Variants in SLC8A2 observed in about 807,000 individuals in gnomAD.
SLC8A2 encodes sodium/calcium exchanger 2.
SLC8A2 carries 14 observed loss-of-function variants against 70.2 expected under a neutral mutation model. The ratio of observed to expected loss-of-function variants is 0.20; its 90% CI spans 0.13 to 0.31. The LOEUF (loss-of-function observed/expected upper bound fraction) is 0.31, where lower values mean the gene tolerates loss of function less well. SLC8A2 is among the 10% of genes least tolerant of loss of function. The pLI, the probability that SLC8A2 is intolerant of heterozygous loss-of-function variation, is 1.00. For synonymous variants in SLC8A2, 575 were observed against 594.3 expected (o/e 0.97, Z 0.47); for missense variants, 779 against 1,320.1 (o/e 0.59, Z 6.35).
At chr19:47,459,561 T>C (rs1967363689) in intron 2 of SLC8A2, among the ~76,000 whole-genome samples, 1 of 151,788 alleles carries the variant, frequency 6.6e-6, no homozygotes, top group Non-Finnish European at 1.5e-5. Context: ...CGTATGTGCA[T>C]GTGTATATGT....
At position 47,437,450 on chromosome 19, in the gene SLC8A2, C is replaced by T. The variant is rs181565918; in HGVS notation, c.2110+12G>A. 3,920 of 1,542,232 alleles carry T rather than the reference C, an allele frequency of 2.5e-3. 10 individuals carry two copies. Among genetic ancestry groups the T allele is most frequent in the Non-Finnish European group, 2.9e-3 (3,247 of 1,114,688 alleles). On this transcript the variant is annotated intron_variant, in intron 8 of 9. Coordinates refer to ENST00000236877, the MANE Select transcript of SLC8A2 (RefSeq NM_015063.3). ...CATCTTTCTCTCTTCTCTCTCCTCC[C>T]TCCCCACTTACCTGCGCTCACCGTA...
chr19:47,471,134 GGAGA>G lies in SLC8A2; in HGVS notation c.-17+651_-17+654del, dbSNP rs146864248. ...AGACGAGGGGGAGATGGGGAGGGAG[GGAGA>G]GAGAGAGAGAGAGAGAGAGACATGC... On this transcript the variant is annotated intron_variant, in intron 1 of 9. Coordinates refer to ENST00000236877, the MANE Select transcript of SLC8A2 (RefSeq NM_015063.3). Among the ~76,000 whole-genome samples, 829 of 146,326 alleles carry G rather than the reference GGAGA, an allele frequency of 5.7e-3. 5 individuals carry two copies. The highest frequency in any genetic ancestry group is 9.7e-3 in the Non-Finnish European group (641 of 66,030).
In SLC8A2 at chr19:47,447,858, G is replaced by A; in HGVS notation, c.1714C>T (p.His572Tyr). 1 of 1,594,742 alleles carries A rather than the reference G, an allele frequency of 6.3e-7. No homozygotes were observed. Among genetic ancestry groups the A allele is most frequent in the Non-Finnish European group, 8.5e-7 (1 of 1,175,350 alleles). ...VDGTARGGGVHYEDACGELEF... is the reference protein window; with the variant it reads ...VDGTARGGGVYYEDACGELEF... The stretch of plus-strand genomic sequence containing the variant: ...AGCTCTCCGCACGCGTCCTCGTAGT[G>A]CACGCCGCCGCCGCGCGCCGTGCCG... The change falls in exon 4 of 10, where the codon CAC becomes TAC. Residue 572 changes from histidine to tyrosine, a missense_variant. Physicochemically the swap from His to Tyr is moderately conservative, Grantham distance 83. Around this residue, in one of 6 missense-constraint regions of SLC8A2, gnomAD observed 247 missense variants for 362.8 expected, o/e 0.68. Transcript: ENST00000236877. The surrounding 1 kb of genome is among the most constrained non-coding windows in gnomAD (Gnocchi z 5.1).
intron 8 of SLC8A2, among the ~76,000 whole-genome samples, chr19:47,434,116 G>A (rs1479823014): frequency 2.0e-5 from 3 of 152,262 alleles, no homozygotes; most frequent in Admixed American, 1.3e-4. Flanking sequence ...ACCAGTCACT[G>A]CTGAACGCAT....
rs1568445920 is a variant in SLC8A2, at chr19:47,457,434, C to T, written c.836G>A (p.Ser279Asn). ...IIGAEGDPPKSIELDGTFVGA... is the reference protein window; with the variant it reads ...IIGAEGDPPKNIELDGTFVGA... ...CACGAACGTGCCGTCCAGCTCGATG[C>T]TCTTCGGGGGGTCGCCCTCGGCGCC... The change falls in exon 3 of 10, where the codon AGC becomes AAC. Residue 279 changes from serine to asparagine, a missense_variant. Physicochemically the swap from Ser to Asn is conservative, Grantham distance 46 (BLOSUM62 1). Around this residue, in one of 6 missense-constraint regions of SLC8A2, gnomAD observed 186 missense variants for 246.6 expected, o/e 0.75. Coordinates refer to ENST00000236877, the MANE Select transcript of SLC8A2 (RefSeq NM_015063.3). 1 of 1,602,688 alleles carries T rather than the reference C, an allele frequency of 6.2e-7. No individual in the cohort carries two copies. Among genetic ancestry groups the T allele is most frequent in the Non-Finnish European group, 8.5e-7 (1 of 1,175,974 alleles).
chr19:47,464,965 G>T (rs1434596935), intron 2 of SLC8A2, among the ~76,000 whole-genome samples: 1 of 152,178 alleles, frequency 6.6e-6, no homozygotes, highest in Non-Finnish European at 1.5e-5. Context: ...TCTAAATTTT[G>T]TCTCACTATT....
At chr19:47,444,026 G>C (rs536210842) in intron 4 of SLC8A2, among the ~76,000 whole-genome samples, 2 of 152,054 alleles carry the variant, frequency 1.3e-5, no homozygotes, top group South Asian at 4.2e-4. Flanking sequence ...CTCCTAAGTA[G>C]CTGGAAATAT....
chr19:47,438,895 G>C (rs1264769840), intron 6 of SLC8A2, among the ~76,000 whole-genome samples: 4 of 152,168 alleles, frequency 2.6e-5, no homozygotes. Flanking sequence ...CATCACTCAT[G>C]AGGAGCTTGA....
chr19:47,442,313 G>A (rs963556627), intron 4 of SLC8A2, among the ~76,000 whole-genome samples: 5 of 152,122 alleles, frequency 3.3e-5, no homozygotes, highest in African/African-American at 1.2e-4. Flanking sequence ...CAGCCAGAGT[G>A]ATCCTGATAG....
At position 47,447,851 on chromosome 19, in the gene SLC8A2, T is replaced by C; in HGVS notation, c.1721A>G (p.Glu574Gly). 2 of 1,595,888 alleles carry C rather than the reference T, an allele frequency of 1.3e-6. No homozygotes were observed. Among genetic ancestry groups the C allele is most frequent in the Non-Finnish European group, 8.5e-7 (1 of 1,176,102 alleles). ...AAACTCCAGCTCTCCGCACGCGTCCTCGTAGTGCACGCCGCCGCCGCGCGC... is the reference window on the plus strand; with the variant it reads ...AAACTCCAGCTCTCCGCACGCGTCCCCGTAGTGCACGCCGCCGCCGCGCGC... Reference protein sequence around the residue: ...GTARGGGVHYEDACGELEFGD... With the variant: ...GTARGGGVHYGDACGELEFGD... The change falls in exon 4 of 10, where the codon GAG (glutamate) becomes GGG (glycine). Residue 574 changes from glutamate (E) to glycine (G), a missense_variant. Coordinates refer to ENST00000236877, the MANE Select transcript of SLC8A2 (RefSeq NM_015063.3). This position sits in a 1 kb window ranked among gnomAD's most constrained non-coding sequence, Gnocchi z 5.1.
chr19:47,466,220 C>G lies in SLC8A2; in HGVS notation c.184G>C (p.Asp62His). Residue 62 changes from aspartate (D) to histidine (H), a missense_variant, in exon 2 of 10, where the codon GAC (aspartate) becomes CAC (histidine). Physicochemically the swap from Asp to His is moderately conservative, Grantham distance 81. This residue lies in a region of SLC8A2 where 155 missense variants were observed against 318.6 expected (regional missense o/e 0.49). Transcript: ENST00000236877. This position sits in a 1 kb window ranked among gnomAD's most constrained non-coding sequence, Gnocchi z 6.9. The stretch of plus-strand genomic sequence containing the variant: ...GCCGCCTTGTCACCCAGCGACGGGT[C>G]GTCGGGCTCCCACACGGGCAGCAGC... Reference protein sequence around the residue: ...GVLLPVWEPDDPSLGDKAARA... With the variant: ...GVLLPVWEPDHPSLGDKAARA... 6.2e-7 allele frequency: 1 copy of G among 1,609,474 alleles called. No homozygotes were observed. Among genetic ancestry groups the G allele is most frequent in the Non-Finnish European group, 8.5e-7 (1 of 1,176,618 alleles).
rs776796326 is a variant in SLC8A2, at chr19:47,430,266, G to C, written c.2589C>G (p.Thr863=). 3.1e-6 allele frequency: 5 copies of C among 1,612,506 alleles called. No individual in the cohort carries two copies. The highest frequency in any genetic ancestry group is 4.2e-6 in the Non-Finnish European group (5 of 1,179,286). ...CGGCAATGCCCACGAAGGCGAAGAC[G>C]GTGAAGAGCGTGACGGAGAAGGCCA... ...GTLAFSVTLF[T]VFAFVGIAVL... is the part of the protein sequence containing the mutation. Residue 863 remains threonine, a synonymous_variant, in exon 10 of 10, where the codon ACC becomes ACG. Coordinates refer to ENST00000236877, the MANE Select transcript of SLC8A2 (RefSeq NM_015063.3). The surrounding 1 kb of genome is among the most constrained non-coding windows in gnomAD (Gnocchi z 5.9).
intron 1 of SLC8A2, among the ~76,000 whole-genome samples, chr19:47,470,649 G>A (rs1967523578): frequency 6.6e-6 from 1 of 152,178 alleles, no homozygotes; most frequent in South Asian, 2.1e-4. Flanking sequence ...AAGAATGAAT[G>A]AATCAAGAGC....
At chr19:47,456,113 A>G (rs145590055) in intron 3 of SLC8A2, among the ~76,000 whole-genome samples, 463 of 152,304 alleles carry the variant, frequency 3.0e-3, no homozygotes, top group Non-Finnish European at 4.2e-3. Flanking sequence ...AAGCATTTTT[A>G]CTTTAGTAAT....
chr19:47,446,536 T>A (rs948216350), intron 4 of SLC8A2, among the ~76,000 whole-genome samples: 20 of 152,170 alleles, frequency 1.3e-4, no homozygotes, highest in African/African-American at 4.8e-4. Context: ...CAAGCCATCT[T>A]CCTGCTTTGG....
chr19:47,432,291 G>A lies in SLC8A2; in HGVS notation c.2265C>T (p.Ser755=), dbSNP rs762878199. Residue 755 remains serine (S), a synonymous_variant, in exon 9 of 10, where the codon TCC becomes TCT. Transcript: ENST00000236877. The surrounding 1 kb of genome is among the most constrained non-coding windows in gnomAD (Gnocchi z 6.2). ...YCHGWACFGV[S]ILVIGLLTAL... Reference sequence around the variant, plus strand: ...CGGTGAGCAGGCCGATGACCAGGATGGAGACACCAAAGCAGGCCCAGCCGT... The same window carrying A: ...CGGTGAGCAGGCCGATGACCAGGATAGAGACACCAAAGCAGGCCCAGCCGT... The A allele has an allele frequency of 6.2e-7, 1 of 1,614,178 alleles. No homozygotes were observed. Among genetic ancestry groups the A allele is most frequent in the Non-Finnish European group, 8.5e-7 (1 of 1,180,020 alleles).
At chr19:47,456,848 G>C (rs1426554904) in intron 3 of SLC8A2, 82 bp downstream of exon 3, 5 of 1,346,588 alleles carry the variant, frequency 3.7e-6, no homozygotes, top group African/African-American at 3.0e-5. Flanking sequence ...CAGTTGGGAG[G>C]CGAAGAGCCT....
At position 47,465,852 on chromosome 19, in the gene SLC8A2, G is replaced by A; in HGVS notation, c.552C>T (p.Ile184=). The A allele has an allele frequency of 2.5e-6, 4 of 1,614,178 alleles. No homozygotes were observed. The highest frequency in any genetic ancestry group is 3.4e-6 in the Non-Finnish European group (4 of 1,180,034). The change falls in exon 2 of 10, where the codon ATC becomes ATT. Residue 184 remains isoleucine, a synonymous_variant. Transcript: ENST00000236877. The surrounding 1 kb of genome is among the most constrained non-coding windows in gnomAD (Gnocchi z 5.5). ...FVVIAVCIYV[I]PAGESRKIKH... ...TGATCTTGCGGCTCTCGCCGGCTGG[G>A]ATGACGTAGATGCACACGGCGATGA...
Position 47,432,486 on chromosome 19 carries a change from C to T in SLC8A2, c.2111-41G>A. 6.6e-7 allele frequency: 1 copy of T among 1,521,626 alleles called. No individual in the cohort carries two copies. The highest frequency in any genetic ancestry group is 8.8e-7 in the Non-Finnish European group (1 of 1,136,856). 94.3% of individuals were successfully genotyped at this position (1,521,626 alleles called of 1,614,324 possible). A position where few individuals can be genotyped will look rare whatever the true frequency, so the allele number is the denominator to read the frequency against. ...CCAGCTGGGGCATACACTCAGACTT[C>T]CTTCCTTGCCTACAGAGGCCCCATT... On this transcript the variant is annotated intron_variant, in intron 8 of 9. Coordinates refer to ENST00000236877, the MANE Select transcript of SLC8A2 (RefSeq NM_015063.3). This position sits in a 1 kb window ranked among gnomAD's most constrained non-coding sequence, Gnocchi z 6.2.
Sources: allele counts gnomAD v4.1 joint callset (sites outside exome capture counted in the v4.1 genomes callset), GRCh38; gene constraint gnomAD v4.1.1; regional missense constraint gnomAD v4.1.1; non-coding constraint Gnocchi (gnomAD v3.1); transcripts MANE v1.5; gene names NCBI Gene and HGNC (gene_info 2026-07-23, HGNC 2026-07-21).